The following TRPM5 variants were observed in gnomAD, a reference collection of about 807,000 sequenced individuals.
TRPM5 encodes transient receptor potential cation channel subfamily M member 5, also known as MLSN1 and TRP-related.
Under a neutral mutation model 124.9 loss-of-function variants are expected in TRPM5, and 121 were observed. The observed-to-expected ratio is 0.97, with a 90% CI of 0.84 to 1.13. TRPM5 has a LOEUF of 1.13. Among genes scored for constraint, TRPM5 ranks in the 50% most tolerant of loss-of-function variants. The probability of loss-of-function intolerance (pLI) is 0.00; values close to 1 mark genes in which losing one functional copy is unlikely to be tolerated. For missense variants in TRPM5, 1,643 were observed against 1,589.1 expected, an observed-to-expected ratio of 1.03 and a Z score of -0.58; for synonymous variants, 781 against 700.5, an observed-to-expected ratio of 1.11 and a Z score of -1.81.
the TRPM5 span, among the ~76,000 whole-genome samples, chr11:2,432,624 C>T: frequency 6.6e-6 from 1 of 152,252 alleles, no homozygotes; most frequent in Non-Finnish European, 1.5e-5. Flanking sequence ...CACAGGCAGC[C>T]TCCCCCCAGG....
At chr11:2,404,760 G>A (rs1326988203) in exon 24 of TRPM5, 22 of 580,048 alleles carry the variant, frequency 3.8e-5, no homozygotes, top group Admixed American at 9.4e-5. Flanking sequence ...GAGGCCAGGA[G>A]GGACAAGGAG....
chr11:2,425,645 G>GGGGGTCCTCACCCTGGGCA (rs1281157955), upstream of TRPM5, among the ~76,000 whole-genome samples: 4 of 152,166 alleles, frequency 2.6e-5, no homozygotes, highest in African/African-American at 7.2e-5. Context: ...CACCCTGGGC[G>GGGGGTCCTCACCCTGGGCA]GGGGTCCTCA....
In TRPM5 at chr11:2,416,142, G is replaced by A. The variant is rs2301697; in HGVS notation, c.1010-118C>T. On this transcript the variant is annotated intron_variant, in intron 7 of 23. Coordinates refer to ENST00000155858, the Ensembl canonical transcript of TRPM5. ...CGCGGAAACGGGAACTTCACGCTGG[G>A]ACTTGAGGGGGCACATGCGCCACCT... 8 of 669,598 alleles carry A rather than the reference G, an allele frequency of 1.2e-5. No homozygotes were observed. The East Asian group carries it at 2.2e-4, about 18-fold the overall frequency. The allele number at this position is 669,598 out of a possible 1,614,324, so 41.5% of individuals were successfully genotyped here.
chr11:2,413,365 G>C (rs1258976805), intron 13 of TRPM5, 111 bp downstream of exon 18: 12 of 1,307,728 alleles, frequency 9.2e-6, no homozygotes, highest in Non-Finnish European at 1.3e-5. Flanking sequence ...CTGGACTTGG[G>C]GGCTACAGAG....
Position 2,406,653 on chromosome 11 carries a change from C to T in TRPM5, c.3251+8G>A. ...ATACCCACCAGTGATCAGGACAGGC[C>T]CCCGCACCTGTGGGCGGTTTTCCGC... On this transcript the variant is annotated splice_region_variant and intron_variant, in intron 21 of 23. Transcript: ENST00000155858. 1.2e-6 allele frequency: 2 copies of T among 1,602,694 alleles called. No individual in the cohort carries two copies. The highest frequency in any genetic ancestry group is 1.7e-6 in the Non-Finnish European group (2 of 1,174,274).
the TRPM5 span, among the ~76,000 whole-genome samples, chr11:2,434,672 A>C: frequency 6.8e-6 from 1 of 147,926 alleles, no homozygotes; most frequent in Non-Finnish European, 1.5e-5. Flanking sequence ...CTGTGAGTGC[A>C]TGTATGTGTA....
In TRPM5 at chr11:2,417,715, G is replaced by A. The variant is rs201368514; in HGVS notation, c.1009+12C>T. The A allele has an allele frequency of 7.0e-4, 331 of 472,016 alleles. 3 individuals are homozygous for A. The East Asian group carries it at 0.018, about 26-fold the overall frequency. 29.2% of individuals were successfully genotyped at this position (472,016 alleles called of 1,614,324 possible). A position where few individuals can be genotyped will look rare whatever the true frequency, so the allele number is the denominator to read the frequency against. On this transcript the variant is annotated intron_variant, in intron 7 of 23. Coordinates refer to ENST00000155858, the Ensembl canonical transcript of TRPM5. ...CAATGGCGCCTGCCTTGCCCACCCT[G>A]CCCGCCCTCACCTTTCACCAGCGCC... is the stretch of plus-strand genomic sequence containing the variant.
At chr11:2,416,945 C>T (rs569660243) in intron 7 of TRPM5, among the ~76,000 whole-genome samples, 6 of 152,316 alleles carry the variant, frequency 3.9e-5, no homozygotes, top group Non-Finnish European at 8.8e-5. Flanking sequence ...CGCTTCAACA[C>T]GGAGGAACCG....
intron 13 of TRPM5, 41 bp downstream of exon 18, chr11:2,413,435 T>C (rs772850569): frequency 6.4e-7 from 1 of 1,556,112 alleles, no homozygotes; most frequent in South Asian, 1.2e-5. Context: ...GCACTCGCAC[T>C]GCTGCCTGTC....
intron 3 of TRPM5, among the ~76,000 whole-genome samples, chr11:2,420,679 T>G (rs1446609635): frequency 6.6e-6 from 1 of 152,190 alleles, no homozygotes; most frequent in Non-Finnish European, 1.5e-5. Flanking sequence ...GAGCACCTCC[T>G]TCCCGACTCT....
At chr11:2,418,297 A>C in exon 6 of TRPM5, 1 of 1,572,664 alleles carries the variant, frequency 6.4e-7, no homozygotes, top group Non-Finnish European at 8.6e-7. Context: ...CACATCGGCG[A>C]TGCCCCCCGA....
At chr11:2,420,109 G>T in intron 4 of TRPM5, 113 bp downstream of exon 9, 1 of 1,288,636 alleles carries the variant, frequency 7.8e-7, no homozygotes, top group Non-Finnish European at 1.1e-6. Context: ...GGTGCGTTCT[G>T]CCTGGGAAGC....
the TRPM5 span, among the ~76,000 whole-genome samples, chr11:2,432,980 G>A: frequency 1.3e-5 from 2 of 152,246 alleles, no homozygotes; most frequent in African/African-American, 4.8e-5. Context: ...CAGATCCTGA[G>A]TGCCCAGCAG....
chr11:2,408,917 C>T (rs1565007050), intron 18 of TRPM5, among the ~76,000 whole-genome samples: 1 of 152,242 alleles, frequency 6.6e-6, no homozygotes, highest in Admixed American at 6.5e-5. Context: ...CACACATGCT[C>T]ATGTGTGAGT....
At chr11:2,422,659 C>T (rs1276302096) in intron 1 of TRPM5, among the ~76,000 whole-genome samples, 2 of 151,506 alleles carry the variant, frequency 1.3e-5, no homozygotes, top group African/African-American at 4.9e-5. Context: ...AGGTGGGGCC[C>T]TGGATGCACT....
rs199741498 is a variant in TRPM5, at chr11:2,407,265, A to C, written c.2972T>G (p.Met991Arg). Residue 991 changes from methionine to arginine, a missense_variant, in exon 20 of 24, where the codon ATG becomes AGG. Physicochemically the swap from Met to Arg is moderately conservative, Grantham distance 91. Coordinates refer to ENST00000155858, the Ensembl canonical transcript of TRPM5. ...GTTGTAGCGCTGGAACTTCCAGAAC[A>C]TGTCTGCGTTGCCCTGCACCACCTG... The C allele has an allele frequency of 4.3e-6, 7 of 1,611,806 alleles. No homozygotes were observed. The highest frequency in any genetic ancestry group is 5.9e-6 in the Non-Finnish European group (7 of 1,179,610).
chr11:2,415,475 G>A lies in TRPM5; in HGVS notation c.1129-4C>T, dbSNP rs749195654. The A allele has an allele frequency of 5.8e-6, 9 of 1,544,728 alleles. No individual in the cohort carries two copies. In the African/African-American group the frequency reaches 1.2e-4, roughly 21 times the overall value. On this transcript the variant is annotated splice_region_variant and splice_polypyrimidine_tract_variant and intron_variant, in intron 8 of 23. Coordinates refer to ENST00000155858, the Ensembl canonical transcript of TRPM5. The stretch of plus-strand genomic sequence containing the variant: ...TCACCTCCTCCAGGTCACAGGACTT[G>A]GCGGCCATGGGCACCCGAGGGAAGG...
chr11:2,421,476 G>A (rs115238785), intron 2 of TRPM5, among the ~76,000 whole-genome samples: 3,247 of 152,276 alleles, frequency 0.021, 115 homozygotes, highest in African/African-American at 0.074. Context: ...TCCCCCCACC[G>A]TGCTCCCTCC....
chr11:2,439,864 A>G, the TRPM5 span, among the ~76,000 whole-genome samples: 1 of 152,220 alleles, frequency 6.6e-6, no homozygotes, highest in Admixed American at 6.5e-5. Flanking sequence ...TCTACCAAAA[A>G]GACACCTGCA....
Sources: allele counts gnomAD v4.1 joint callset (sites outside exome capture counted in the v4.1 genomes callset), GRCh38; gene constraint gnomAD v4.1.1; transcripts MANE v1.5; gene names NCBI Gene and HGNC (gene_info 2026-07-23, HGNC 2026-07-21).